Variants in GALM observed in about 807,000 individuals in gnomAD.
GALM encodes the protein galactose mutarotase, also known as aldose 1-epimerase.
A neutral mutation model predicts 37.4 loss-of-function variants in GALM; 43 were observed. That is an observed-to-expected ratio of 1.15 (90% CI 0.90 to 1.48). The LOEUF (loss-of-function observed/expected upper bound fraction) is 1.48, where lower values mean the gene tolerates loss of function less well. Among genes scored for constraint, GALM ranks in the 40% most tolerant of loss-of-function variants. The pLI, the probability that GALM is intolerant of heterozygous loss-of-function variation, is 0.00. For synonymous variants in GALM, 199 were observed against 170.6 expected (o/e 1.17, Z -1.30); for missense variants, 456 against 419.1 (o/e 1.09, Z -0.77).
chr2:38,686,239 T>TTCTTC (rs1558582023), intron 3 of GALM, among the ~76,000 whole-genome samples: 29 of 91,602 alleles, frequency 3.2e-4, no homozygotes, highest in African/African-American at 1.8e-3. Flanking sequence ...TTTCTTTCTT[T>TTCTTC]CTTTCTTTCT....
chr2:38,675,218 A>T (rs576263171), intron 1 of GALM, among the ~76,000 whole-genome samples: 127 of 152,252 alleles, frequency 8.3e-4, no homozygotes, highest in African/African-American at 3.0e-3. Context: ...AAGAAAGAAA[A>T]AAGCACACAG....
At chr2:38,722,906 G>A (rs1372654687) in intron 4 of GALM, among the ~76,000 whole-genome samples, 1 of 152,180 alleles carries the variant, frequency 6.6e-6, no homozygotes, top group Non-Finnish European at 1.5e-5. Flanking sequence ...GTCACCTCGG[G>A]CAAGTCCCTT....
At chr2:38,687,697 T>G (rs576123408) in intron 3 of GALM, among the ~76,000 whole-genome samples, 5 of 149,914 alleles carry the variant, frequency 3.3e-5, no homozygotes, top group Admixed American at 2.0e-4. Context: ...GGCGACACAG[T>G]AAGACTCTGC....
Position 38,730,355 on chromosome 2 carries a change from C to T in GALM, c.776+658C>T, listed in dbSNP as rs897683935. Among the ~76,000 whole-genome samples the T allele has an allele frequency of 8.5e-5, 13 of 152,200 alleles. 1 individual carries two copies. Among genetic ancestry groups the T allele is most frequent in the African/African-American group, 2.9e-4 (12 of 41,426 alleles). On this transcript the variant is annotated intron_variant, in intron 5 of 6. Transcript: ENST00000272252. ...GATCTAGGTTTACTGCAACCTCCGC[C>T]TCCCGGGTTCAAGTGATTCTCCTGC...
At chr2:38,668,773 A>G (rs1665017571) in intron 1 of GALM, 1 of 150,982 alleles carries the variant, frequency 6.6e-6, no homozygotes, top group Non-Finnish European at 1.5e-5. Flanking sequence ...TAAAATAAAT[A>G]AAAATAAATA....
In GALM at chr2:38,729,545, C is replaced by T. The variant is rs1327337862; in HGVS notation, c.635-11C>T. ...CATTTATCACCTTTGTTTTCTGTCT[C>T]TTCCCATCAGGAGAAGTTGCCCCAG... On this transcript the variant is annotated splice_polypyrimidine_tract_variant and intron_variant, in intron 4 of 6. Coordinates refer to ENST00000272252, the MANE Select transcript of GALM (RefSeq NM_138801.3). 6.2e-7 allele frequency: 1 copy of T among 1,611,976 alleles called. No homozygotes were observed. Among genetic ancestry groups the T allele is most frequent in the South Asian group, 1.1e-5 (1 of 90,860 alleles).
chr2:38,686,674 C>T lies in GALM; in HGVS notation c.553-3139C>T, dbSNP rs190813134. 1.5e-4 allele frequency among the ~76,000 whole-genome samples: 23 copies of T among 152,190 alleles called. 1 individual carries two copies. Among genetic ancestry groups the T allele is most frequent in the East Asian group, 5.8e-4 (3 of 5,176 alleles). ...AACAAATTGTGATACAGTCATACAACGGAATACTACTCAACAATACAAAGG... is the reference window on the plus strand; with the variant it reads ...AACAAATTGTGATACAGTCATACAATGGAATACTACTCAACAATACAAAGG... On this transcript the variant is annotated intron_variant, in intron 3 of 6. Coordinates refer to ENST00000272252, the MANE Select transcript of GALM (RefSeq NM_138801.3).
intron 3 of GALM, among the ~76,000 whole-genome samples, chr2:38,684,413 C>A (rs1665474079): frequency 6.6e-6 from 1 of 152,088 alleles, no homozygotes; most frequent in Non-Finnish European, 1.5e-5. Context: ...TGGCTCATGC[C>A]TGTAATCCCA....
chr2:38,698,316 T>G, intron 4 of GALM: 1 of 1,008,198 alleles, frequency 9.9e-7, no homozygotes, highest in Non-Finnish European at 1.4e-6. Context: ...CAGTGGTGTA[T>G]TGAGTGCATA....
intron 5 of GALM, 53 bp downstream of exon 5, chr2:38,729,750 T>C (rs1436584780): frequency 1.3e-6 from 2 of 1,493,794 alleles, no homozygotes; most frequent in Admixed American, 3.5e-5. Context: ...CACCAAGTCC[T>C]ATTTTCCTTT....
rs569393907 is a variant in GALM at position 38,666,192 on chromosome 2, G to T, written c.31G>T (p.Glu11Ter). The T allele has an allele frequency of 9.4e-5, 151 of 1,613,784 alleles. No individual in the cohort carries two copies. The highest frequency in any genetic ancestry group is 1.1e-4 in the Non-Finnish European group (134 of 1,179,810). ...TTCGGTGACCAGGGCCGTGTTTGGA[G>T]AGCTGCCCTCGGGAGGAGGGACAGT... MASVTRAVFG[E>*]LPSGGGTVEK... Residue 11 changes from glutamate to a stop codon, truncating the protein, a stop_gained, in exon 1 of 7, where the codon GAG becomes TAG. Transcript: ENST00000272252. LOFTEE classifies it high-confidence loss of function.
intron 3 of GALM, among the ~76,000 whole-genome samples, chr2:38,686,473 G>A (rs954422391): frequency 2.0e-5 from 3 of 151,776 alleles, no homozygotes; most frequent in Non-Finnish European, 4.4e-5. Context: ...CACCGTGTTA[G>A]CCAGGATGGT....
In GALM at chr2:38,733,565, AG is replaced by A. The variant is rs1210901051; in HGVS notation, c.*2del. The A allele has an allele frequency of 6.2e-7, 1 of 1,611,762 alleles. No individual in the cohort carries two copies. The highest frequency in any genetic ancestry group is 8.5e-7 in the Non-Finnish European group (1 of 1,177,870). ...CCTGGTTCAAGTTTTCTGTGGCTTA[AG>A]GAAGTGTGAAGATATGATCCAGTCC... On this transcript the variant is annotated 3_prime_UTR_variant, in exon 7 of 7. Transcript: ENST00000272252.
At chr2:38,684,842 A>G (rs541859544) in intron 3 of GALM, among the ~76,000 whole-genome samples, 127 of 152,236 alleles carry the variant, frequency 8.3e-4, no homozygotes, top group African/African-American at 3.0e-3. Context: ...AAAAAACAAC[A>G]GAAACTTTAC....
Position 38,722,014 on chromosome 2 carries a change from C to A in GALM, c.635-7542C>A, listed in dbSNP as rs1005964791. ...CTACTACCTTTTCACTGTCCCTCCC[C>A]AACTATGCCTTCCCTTCCCCCCCCC... On this transcript the variant is annotated intron_variant, in intron 4 of 6. Transcript: ENST00000272252. Among the ~76,000 whole-genome samples the A allele has an allele frequency of 7.7e-5, 11 of 142,254 alleles. No individual in the cohort carries two copies. In the South Asian group the frequency reaches 2.1e-3, roughly 27 times the overall value. The allele number at this position is 142,254 out of a possible 152,430, so 93.3% of individuals were successfully genotyped here. A position where few individuals can be genotyped will look rare whatever the true frequency, so the allele number is the denominator to read the frequency against.
intron 4 of GALM, among the ~76,000 whole-genome samples, chr2:38,706,059 G>T (rs576550572): frequency 6.6e-6 from 1 of 151,862 alleles, no homozygotes; most frequent in African/African-American, 2.4e-5. Flanking sequence ...AAGCTGGAGT[G>T]CAGTGACACG....
At chr2:38,698,055 T>C (rs1355505835) in intron 4 of GALM, among the ~76,000 whole-genome samples, 2 of 152,024 alleles carry the variant, frequency 1.3e-5, no homozygotes, top group African/African-American at 4.8e-5. Flanking sequence ...ATGATCCTCT[T>C]GCTTCAGCCT....
chr2:38,702,298 C>A (rs1475734224), intron 4 of GALM, among the ~76,000 whole-genome samples: 1 of 151,970 alleles, frequency 6.6e-6, no homozygotes, highest in East Asian at 1.9e-4. Flanking sequence ...TCTCAGGCCT[C>A]CCCAAAACCA....
At chr2:38,727,864 T>C (rs1229489359) in intron 4 of GALM, among the ~76,000 whole-genome samples, 1 of 152,218 alleles carries the variant, frequency 6.6e-6, no homozygotes, top group Non-Finnish European at 1.5e-5. Flanking sequence ...GTTCTTCTTT[T>C]ACTTTTTAAA....
Sources: allele counts gnomAD v4.1 joint callset (sites outside exome capture counted in the v4.1 genomes callset), GRCh38; gene constraint gnomAD v4.1.1; transcripts MANE v1.5; gene names NCBI Gene and HGNC (gene_info 2026-07-23, HGNC 2026-07-21).